Variants in COL27A1 observed in about 807,000 individuals in gnomAD.
COL27A1 encodes the protein collagen type XXVII alpha 1 chain, also known as collagen alpha-1(XXVII) chain.
Under a neutral mutation model 251.3 loss-of-function variants are expected in COL27A1, and 106 were observed. The ratio of observed to expected loss-of-function variants is 0.42; its 90% CI spans 0.36 to 0.50. The LOEUF (loss-of-function observed/expected upper bound fraction) is 0.50. Ranked by LOEUF, COL27A1 falls within the 20% of genes least tolerant of loss-of-function variation. COL27A1 has a pLI of 0.00. For missense variants in COL27A1, 2,325 were observed against 2,522.8 expected (o/e 0.92, Z 1.68); for synonymous variants, 1,000 against 986.3 (o/e 1.01, Z -0.26).
intron 27 of COL27A1, among the ~76,000 whole-genome samples, chr9:114,253,295 A>AAAAGAAAGAAAGAAAGAAAGGAAGGAAG (rs1554816661): frequency 1.4e-5 from 2 of 140,252 alleles, no homozygotes; most frequent in African/African-American, 5.8e-5. Flanking sequence ...GAGACAGAGA[A>AAAAGAAAGAAAGAAAGAAAGGAAGGAAG]AAAGAAAGAA....
At chr9:114,165,827 TA>T (rs1848798027) in intron 2 of COL27A1, among the ~76,000 whole-genome samples, 1 of 135,734 alleles carries the variant, frequency 7.4e-6, no homozygotes, top group Non-Finnish European at 1.6e-5. Context: ...AGGCATTATT[TA>T]TCCATCCATC....
intron 2 of COL27A1, among the ~76,000 whole-genome samples, chr9:114,165,069 G>T (rs1848734151): frequency 6.6e-6 from 1 of 152,192 alleles, no homozygotes; most frequent in Non-Finnish European, 1.5e-5. Context: ...TGGGGCTTGG[G>T]TGAAGATGAT....
chr9:114,160,345 T>C (rs1219035728), intron 1 of COL27A1, among the ~76,000 whole-genome samples: 2 of 151,794 alleles, frequency 1.3e-5, no homozygotes, highest in East Asian at 3.9e-4. Flanking sequence ...TTGGTAGAGA[T>C]GGGGTTTCGC....
chr9:114,304,828 T>C (rs1408545850), intron 57 of COL27A1, among the ~76,000 whole-genome samples, 155 bp downstream of exon 57: 1 of 152,148 alleles, frequency 6.6e-6, no homozygotes, highest in Non-Finnish European at 1.5e-5. Flanking sequence ...TGGGGGTTTG[T>C]ACTGAAACTC....
At chr9:114,307,391 AT>A (rs1356476791) in intron 58 of COL27A1, 1 of 375,940 alleles carries the variant, frequency 2.7e-6, no homozygotes, top group African/African-American at 2.1e-5. Context: ...GCCTCTCTCA[AT>A]GTCAGTTGTC....
At chr9:114,204,595 T>A (rs1829813238) in intron 7 of COL27A1, among the ~76,000 whole-genome samples, 1 of 151,992 alleles carries the variant, frequency 6.6e-6, no homozygotes, top group Admixed American at 6.5e-5. Flanking sequence ...CTATTTGGGT[T>A]AATAAATGTG....
intron 2 of COL27A1, among the ~76,000 whole-genome samples, chr9:114,165,228 CA>C (rs1375196971): frequency 5.9e-5 from 9 of 152,182 alleles, no homozygotes; most frequent in Non-Finnish European, 2.9e-5. Context: ...GCTATAGAAC[CA>C]TTATAACATG....
At chr9:114,294,150 A>G (rs956133043) in intron 49 of COL27A1, among the ~76,000 whole-genome samples, 2 of 148,896 alleles carry the variant, frequency 1.3e-5, no homozygotes, top group African/African-American at 4.9e-5. Context: ...CAGGAGGCTG[A>G]GGCAGGAGAA....
rs369948970 is a variant in COL27A1 at position 114,258,141 on chromosome 9, C to T, written c.3142-400C>T. Among the ~76,000 whole-genome samples the T allele has an allele frequency of 5.3e-5, 8 of 152,322 alleles. No homozygotes were observed. The East Asian group carries it at 1.5e-3, about 29-fold the overall frequency. ...GAGCCCGGAGCTCAAGGCTGCACTGCACTCCAGCCCAGGCCACAGAGCGAG... is the reference window on the plus strand; with the variant it reads ...GAGCCCGGAGCTCAAGGCTGCACTGTACTCCAGCCCAGGCCACAGAGCGAG... On this transcript the variant is annotated intron_variant, in intron 27 of 60. Coordinates refer to ENST00000356083, the MANE Select transcript of COL27A1 (RefSeq NM_032888.4).
intron 48 of COL27A1, among the ~76,000 whole-genome samples, chr9:114,291,219 C>T (rs946107261): frequency 6.6e-6 from 1 of 152,170 alleles, no homozygotes; most frequent in Non-Finnish European, 1.5e-5. Context: ...TGCTTGCAGC[C>T]GGGATCCCCA....
At chr9:114,160,209 C>T (rs1848400348) in intron 1 of COL27A1, among the ~76,000 whole-genome samples, 1 of 150,216 alleles carries the variant, frequency 6.7e-6, no homozygotes, top group African/African-American at 2.5e-5. Context: ...GGCTGGAGTG[C>T]AGTGGCATGA....
intron 28 of COL27A1, among the ~76,000 whole-genome samples, chr9:114,263,894 A>G (rs752891739): frequency 6.6e-6 from 1 of 152,178 alleles, no homozygotes; most frequent in South Asian, 2.1e-4. Flanking sequence ...TGGGAAGGAC[A>G]TGCAGGTTCT....
chr9:114,220,168 C>T (rs1147313), intron 13 of COL27A1, among the ~76,000 whole-genome samples: 2,088 of 152,354 alleles, frequency 0.014, 55 homozygotes, highest in African/African-American at 0.047. Flanking sequence ...CCATCTTACA[C>T]AGCATCAGCA....
At chr9:114,206,826 T>A (rs932210376) in intron 10 of COL27A1, among the ~76,000 whole-genome samples, 2 of 152,132 alleles carry the variant, frequency 1.3e-5, no homozygotes, top group African/African-American at 4.8e-5. Context: ...ACCTCTACAA[T>A]GGTCATGATG....
intron 12 of COL27A1, chr9:114,218,691 G>C (rs952397836): frequency 6.6e-6 from 1 of 152,154 alleles, no homozygotes; most frequent in South Asian, 2.1e-4. Context: ...CCTGGCAGGG[G>C]AGAGATTTAA....
chr9:114,306,645 G>C lies in COL27A1; in HGVS notation c.5064G>C (p.Arg1688=), dbSNP rs1211681227. The C allele has an allele frequency of 2.5e-6, 4 of 1,614,166 alleles. No individual in the cohort carries two copies. In the South Asian group the frequency reaches 4.4e-5, roughly 18 times the overall value. ...TPLGTKENPA[R]VCRDLMDCEQ... ...TGGGCACCAAAGAGAACCCCGCCCG[G>C]GTCTGCAGGGACCTCATGGACTGTG... The change falls in exon 58 of 61, where the codon CGG becomes CGC. Residue 1688 remains arginine (R), a synonymous_variant. Transcript: ENST00000356083.
chr9:114,299,658 C>T (rs190733672), intron 49 of COL27A1, among the ~76,000 whole-genome samples: 39 of 152,328 alleles, frequency 2.6e-4, no homozygotes, highest in African/African-American at 8.7e-4. Flanking sequence ...GCGGTCCAGG[C>T]AAAACATCCG....
chr9:114,293,889 A>G (rs1482388250), intron 49 of COL27A1, among the ~76,000 whole-genome samples: 1 of 152,182 alleles, frequency 6.6e-6, no homozygotes, highest in Admixed American at 6.5e-5. Context: ...GCTTCCCACA[A>G]AGGAAACTCT....
At chr9:114,254,325 G>A (rs1833774928) in intron 27 of COL27A1, among the ~76,000 whole-genome samples, 1 of 148,742 alleles carries the variant, frequency 6.7e-6, no homozygotes, top group Admixed American at 6.8e-5. Context: ...GCGGCCAGGA[G>A]CACTCAAGTT....
Sources: gnomAD v4.1 joint callset for allele counts (sites outside exome capture counted in the v4.1 genomes callset) on GRCh38, gnomAD v4.1.1 for gene constraint, MANE v1.5 for transcripts, NCBI Gene and HGNC (gene_info 2026-07-23, HGNC 2026-07-21) for gene names.